CCDC171: variants seen among roughly 807,000 people sequenced by gnomAD.
CCDC171 encodes coiled-coil domain-containing protein 171.
Under a neutral mutation model 168.2 loss-of-function variants are expected in CCDC171, and 177 were observed. The ratio of observed to expected loss-of-function variants is 1.05; its 90% confidence interval spans 0.93 to 1.19. The LOEUF (loss-of-function observed/expected upper bound fraction) is 1.19, where lower values mean the gene tolerates loss of function less well. Ranked by LOEUF, CCDC171 falls within the 50% of genes most tolerant of loss-of-function variation. CCDC171 has a pLI of 0.00. For missense variants in CCDC171, 1,991 were observed against 1,539.0 expected (o/e 1.29, Z -4.91); for synonymous variants, 687 against 540.8 (o/e 1.27, Z -3.75).
intron 3 of CCDC171, among the ~76,000 whole-genome samples, chr9:15,992,782 C>A (rs191082256): frequency 1.3e-5 from 2 of 152,162 alleles, no homozygotes; most frequent in African/African-American, 4.8e-5. Context: ...AAATCACAAG[C>A]ATTCTTATAC....
Position 15,744,732 on chromosome 9 carries a change from A to G in CCDC171, c.2509A>G (p.Met837Val), listed in dbSNP as rs745844695. The G allele has an allele frequency of 6.2e-6, 10 of 1,613,998 alleles. No individual in the cohort carries two copies. In the African/African-American group the frequency reaches 9.3e-5, roughly 15 times the overall value. The part of the protein sequence containing the change: ...WMESFKEGIG[M>V]LVCTGEPQDK... ...GGAGAGTTTCAAAGAAGGCATAGGC[A>G]TGTTAGTGTGCACAGGAGAGCCCCA... The change falls in exon 17 of 26, where the codon ATG (methionine) becomes GTG (valine). Residue 837 changes from methionine to valine, a missense_variant. Met to Val is a conservative substitution (Grantham distance 21, BLOSUM62 1). Coordinates refer to ENST00000380701, the MANE Select transcript of CCDC171 (RefSeq NM_173550.4).
At chr9:15,573,069 G>T (rs952797112) in intron 3 of CCDC171, among the ~76,000 whole-genome samples, 6 of 152,208 alleles carry the variant, frequency 3.9e-5, no homozygotes, top group African/African-American at 1.4e-4. Flanking sequence ...TGAGGCAGGA[G>T]AATCGCTTGA....
intron 8 of CCDC171, among the ~76,000 whole-genome samples, chr9:15,663,539 A>G (rs1200599731): frequency 6.6e-6 from 1 of 151,972 alleles, no homozygotes; most frequent in African/African-American, 2.4e-5. Flanking sequence ...GCTATTTTCA[A>G]CATATGTTAG....
At chr9:16,008,976 C>G (rs1257092989) in intron 3 of CCDC171, among the ~76,000 whole-genome samples, 1 of 152,084 alleles carries the variant, frequency 6.6e-6, no homozygotes, top group Non-Finnish European at 1.5e-5. Flanking sequence ...CCCAACACTT[C>G]TTTTGCCTAA....
intron 3 of CCDC171, among the ~76,000 whole-genome samples, chr9:15,573,329 G>A (rs185555807): frequency 2.0e-5 from 3 of 152,272 alleles, no homozygotes; most frequent in East Asian, 3.9e-4. Context: ...AGGCTGGAGT[G>A]CAGTGGAGCG....
At chr9:15,846,988 T>G in intron 22 of CCDC171, 141 bp downstream of exon 22, 1 of 657,146 alleles carries the variant, frequency 1.5e-6, no homozygotes, top group Non-Finnish European at 2.5e-6. Flanking sequence ...CTCTGATATA[T>G]CCTCAAAAAA....
At chr9:15,998,376 A>T (rs917680223) in intron 3 of CCDC171, among the ~76,000 whole-genome samples, 4 of 152,026 alleles carry the variant, frequency 2.6e-5, no homozygotes, top group Admixed American at 2.6e-4. Flanking sequence ...AGTGGATCCC[A>T]CCTCTCCTTC....
chr9:15,903,952 G>A (rs1822109805), intron 24 of CCDC171, among the ~76,000 whole-genome samples: 1 of 152,182 alleles, frequency 6.6e-6, no homozygotes, highest in African/African-American at 2.4e-5. Context: ...TGAATGAAAT[G>A]AAGTGAGAAG....
At chr9:15,644,199 G>A (rs541161940) in intron 7 of CCDC171, among the ~76,000 whole-genome samples, 26 of 152,188 alleles carry the variant, frequency 1.7e-4, no homozygotes, top group African/African-American at 5.1e-4. Flanking sequence ...TAATGTATGA[G>A]GTTTCTAGTT....
chr9:15,642,668 A>AT (rs2046736200), intron 7 of CCDC171, among the ~76,000 whole-genome samples: 1 of 152,010 alleles, frequency 6.6e-6, no homozygotes, highest in South Asian at 2.1e-4. Context: ...AGATTTGAAG[A>AT]TTTTTTGCTG....
At chr9:15,557,424 T>C (rs1332192734) in intron 1 of CCDC171, among the ~76,000 whole-genome samples, 1 of 152,180 alleles carries the variant, frequency 6.6e-6, no homozygotes, top group East Asian at 1.9e-4. Context: ...TGTTGAGCAG[T>C]GGTTTGTAGT....
intron 25 of CCDC171, among the ~76,000 whole-genome samples, chr9:15,930,406 A>G (rs1417674997): frequency 6.6e-6 from 1 of 151,570 alleles, no homozygotes; most frequent in Non-Finnish European, 1.5e-5. Context: ...CTTTTCCTAA[A>G]AAAAAAAGAC....
chr9:15,798,461 G>T (rs1054132151), intron 21 of CCDC171, among the ~76,000 whole-genome samples: 1 of 151,664 alleles, frequency 6.6e-6, no homozygotes, highest in African/African-American at 2.4e-5. Context: ...TAAGTTCTGG[G>T]ATACATGTGC....
Position 15,913,784 on chromosome 9 carries a change from A to T in CCDC171, c.3601-6486A>T, listed in dbSNP as rs559490500. 1.3e-4 allele frequency among the ~76,000 whole-genome samples: 20 copies of T among 151,828 alleles called. No homozygotes were observed. In the South Asian group the frequency reaches 4.0e-3, roughly 30 times the overall value. ...TTTCCTCATCTTAGTGGATTTGTCT[A>T]CCTTTTGTTTTTGCTGTCGGTGACC... On this transcript the variant is annotated intron_variant, in intron 24 of 25. Transcript: ENST00000380701.
chr9:15,587,731 G>C (rs1382114188), intron 4 of CCDC171: 5 of 438,942 alleles, frequency 1.1e-5, no homozygotes, highest in Non-Finnish European at 2.3e-5. Context: ...TACATTTATA[G>C]TTTCTAACTT....
chr9:16,009,736 T>C (rs527269973), intron 3 of CCDC171, among the ~76,000 whole-genome samples: 1 of 152,326 alleles, frequency 6.6e-6, no homozygotes, highest in South Asian at 2.1e-4. Context: ...TTTTTTAAAA[T>C]CTAGATAAAC....
rs1426829942 is a variant in CCDC171 at position 15,816,295 on chromosome 9, C to T, written c.3268-30407C>T. On this transcript the variant is annotated intron_variant, in intron 21 of 25. Coordinates refer to ENST00000380701, the MANE Select transcript of CCDC171 (RefSeq NM_173550.4). ...CAATTTGTATAAACTTTTTTACAAA[C>T]ATTATATTAGTTTTTTAAATTAAAC... Among the ~76,000 whole-genome samples, 3 of 116,688 alleles carry T rather than the reference C, an allele frequency of 2.6e-5. 1 individual carries two copies. The highest frequency in any genetic ancestry group is 5.8e-5 in the Non-Finnish European group (3 of 52,066). 76.6% of individuals were successfully genotyped at this position (116,688 alleles called of 152,430 possible).
chr9:16,059,807 C>A (rs868513771), intron 1 of CCDC171, among the ~76,000 whole-genome samples: 24 of 151,720 alleles, frequency 1.6e-4, no homozygotes, highest in Admixed American at 3.3e-4. Flanking sequence ...AGCCACCGCG[C>A]CTGGCCTTTT....
chr9:15,995,559 C>T (rs1832344553), intron 3 of CCDC171, among the ~76,000 whole-genome samples: 1 of 152,202 alleles, frequency 6.6e-6, no homozygotes, highest in South Asian at 2.1e-4. Flanking sequence ...TCTGTAGGAG[C>T]TGTCATCAGC....
Sources: gnomAD v4.1 joint callset for allele counts (sites outside exome capture counted in the v4.1 genomes callset) on GRCh38, gnomAD v4.1.1 for gene constraint, MANE v1.5 for transcripts, NCBI Gene and HGNC (gene_info 2026-07-23, HGNC 2026-07-21) for gene names.